Variants in CDH4 observed in about 807,000 individuals in gnomAD.
CDH4 encodes the protein cadherin 4.
A neutral mutation model predicts 86.0 loss-of-function variants in CDH4; 33 were observed. That is an observed-to-expected ratio of 0.38 (90% confidence interval 0.29 to 0.51). The LOEUF (loss-of-function observed/expected upper bound fraction) is 0.51. Ranked by LOEUF, CDH4 falls within the 20% of genes least tolerant of loss-of-function variation. The pLI, the probability that CDH4 is intolerant of heterozygous loss-of-function variation, is 0.86. For synonymous variants in CDH4, 555 were observed against 549.4 expected (o/e 1.01, Z -0.14); for missense variants, 1,114 against 1,307.4 (o/e 0.85, Z 2.28).
rs572050808 is a variant in CDH4 at position 61,640,285 on chromosome 20, C to CA, written c.170-103277dup. 3.1e-3 allele frequency among the ~76,000 whole-genome samples: 470 copies of CA among 152,364 alleles called. 2 individuals are homozygous for CA. The highest frequency in any genetic ancestry group is 0.02 in the Middle Eastern group (6 of 294). On this transcript the variant is annotated intron_variant, in intron 2 of 15. Transcript: ENST00000614565. ...CAGAGAGCACGCACAGCAGCAACGTCACGTGCCTCGGCGGCCTGGCTCACG... is the reference window on the plus strand; with the variant it reads ...CAGAGAGCACGCACAGCAGCAACGTCAACGTGCCTCGGCGGCCTGGCTCACG...
chr20:61,631,190 G>T (rs1470402412), intron 2 of CDH4, among the ~76,000 whole-genome samples: 2 of 152,202 alleles, frequency 1.3e-5, no homozygotes, highest in Admixed American at 1.3e-4. Flanking sequence ...TCCCCTGGAG[G>T]CCCCTGACTC....
intron 2 of CDH4, among the ~76,000 whole-genome samples, chr20:61,648,522 A>C (rs556449422): frequency 6.6e-6 from 1 of 152,262 alleles, no homozygotes; most frequent in South Asian, 2.1e-4. Context: ...TGTCGTCTAG[A>C]CAGTATGGGG....
At chr20:61,927,448 C>G (rs904495790) in intron 11 of CDH4, among the ~76,000 whole-genome samples, 1 of 152,218 alleles carries the variant, frequency 6.6e-6, no homozygotes, top group South Asian at 2.1e-4. Flanking sequence ...CCAAGGAGAC[C>G]TCCTGCCGGG....
At chr20:61,555,555 C>G in intron 2 of CDH4, among the ~76,000 whole-genome samples, 1 of 152,192 alleles carries the variant, frequency 6.6e-6, no homozygotes, top group East Asian at 1.9e-4. Flanking sequence ...GAGAAGCAGT[C>G]CCTTTCTGTC....
At chr20:61,565,986 C>T (rs756446517) in intron 2 of CDH4, among the ~76,000 whole-genome samples, 48 of 152,192 alleles carry the variant, frequency 3.2e-4, no homozygotes, top group Non-Finnish European at 6.0e-4. Context: ...GTCTTGTCCC[C>T]GTTGCCCATC....
At chr20:61,513,731 C>T (rs2085797023) in intron 2 of CDH4, among the ~76,000 whole-genome samples, 1 of 152,170 alleles carries the variant, frequency 6.6e-6, no homozygotes, top group African/African-American at 2.4e-5. Flanking sequence ...AAGCTGTAAC[C>T]AGCTGCAGGT....
chr20:61,809,734 G>A (rs186781858), intron 4 of CDH4, among the ~76,000 whole-genome samples: 6 of 152,320 alleles, frequency 3.9e-5, no homozygotes, highest in Admixed American at 2.6e-4. Flanking sequence ...TAACCAGGGC[G>A]GTGTTTTTCA....
intron 2 of CDH4, among the ~76,000 whole-genome samples, chr20:61,363,644 G>A (rs1461713982): frequency 6.6e-6 from 1 of 152,172 alleles, no homozygotes; most frequent in Admixed American, 6.5e-5. Flanking sequence ...TAGTGTTCCT[G>A]ACGGGGGCCA....
intron 6 of CDH4, among the ~76,000 whole-genome samples, chr20:61,866,129 G>A (rs1401871875): frequency 6.6e-6 from 1 of 152,092 alleles, no homozygotes; most frequent in Non-Finnish European, 1.5e-5. Flanking sequence ...TGGCATGGGG[G>A]ATTTTGCCCA....
At chr20:61,855,125 G>A (rs1982942423) in intron 6 of CDH4, among the ~76,000 whole-genome samples, 1 of 138,392 alleles carries the variant, frequency 7.2e-6, no homozygotes, top group African/African-American at 2.8e-5. Flanking sequence ...GGTGCAGTGT[G>A]AACAGGGTGA....
Position 61,377,653 on chromosome 20 carries a change from T to A in CDH4, c.169+122716T>A, listed in dbSNP as rs1275143076. Among the ~76,000 whole-genome samples, 1 of 152,130 alleles carries A rather than the reference T, an allele frequency of 6.6e-6. No individual in the cohort carries two copies. The highest frequency in any genetic ancestry group is 1.5e-5 in the Non-Finnish European group (1 of 68,028). On this transcript the variant is annotated intron_variant, in intron 2 of 15. Coordinates refer to ENST00000614565, the MANE Select transcript of CDH4 (RefSeq NM_001794.5). The surrounding 1 kb of genome is among the most constrained non-coding windows in gnomAD (Gnocchi z 4.0). The stretch of plus-strand genomic sequence containing the variant: ...CTTTATCTGAAGAACGTGAACCAGA[T>A]CCCCAGAAAGAACATCCCTTTCAAA...
intron 2 of CDH4, among the ~76,000 whole-genome samples, chr20:61,647,061 A>G (rs550300767): frequency 1.5e-3 from 234 of 152,348 alleles, no homozygotes; most frequent in Non-Finnish European, 2.7e-3. Flanking sequence ...AATTGAGCAC[A>G]GGATGCTTGG....
At position 61,320,096 on chromosome 20, in the gene CDH4, C is replaced by T. The variant is rs773658384; in HGVS notation, c.169+65159C>T. ...CCACAATAATTTTTGCAAAATTGCT[C>T]GTATTTTTGCAGCATCTCCCAGGTG... On this transcript the variant is annotated intron_variant, in intron 2 of 15. Coordinates refer to ENST00000614565, the MANE Select transcript of CDH4 (RefSeq NM_001794.5). 6.6e-5 allele frequency among the ~76,000 whole-genome samples: 10 copies of T among 152,202 alleles called. No individual in the cohort carries two copies. The East Asian group carries it at 1.7e-3, about 26-fold the overall frequency.
At chr20:61,844,579 A>C in intron 4 of CDH4, 89 bp from the exon 5 acceptor site, 8 of 1,244,078 alleles carry the variant, frequency 6.4e-6, no homozygotes, top group Non-Finnish European at 9.0e-6. Flanking sequence ...AGCTCGAGGA[A>C]CTCATGAGAG....
At position 61,544,991 on chromosome 20, in the gene CDH4, A is replaced by C. The variant is rs2086067366; in HGVS notation, c.170-198572A>C. Among the ~76,000 whole-genome samples the C allele has an allele frequency of 6.6e-6, 1 of 152,186 alleles. No homozygotes were observed. The highest frequency in any genetic ancestry group is 1.5e-5 in the Non-Finnish European group (1 of 68,034). On this transcript the variant is annotated intron_variant, in intron 2 of 15. Transcript: ENST00000614565. The surrounding 1 kb of genome is among the most constrained non-coding windows in gnomAD (Gnocchi z 6.5). ...TAGCAAATGACCCTTGAGCAGCCCT[A>C]CTGGGGCCCCGAGTGGACAAACCAC...
intron 2 of CDH4, among the ~76,000 whole-genome samples, chr20:61,479,349 C>G (rs2085556715): frequency 6.6e-6 from 1 of 152,048 alleles, no homozygotes; most frequent in Non-Finnish European, 1.5e-5. Context: ...TATCCCTCCC[C>G]CCTTCCCCCA....
chr20:61,277,182 GCTTCTGAATTTAAGAGTTA>G (rs2084235658), intron 2 of CDH4, among the ~76,000 whole-genome samples: 1 of 152,174 alleles, frequency 6.6e-6, no homozygotes, highest in Non-Finnish European at 1.5e-5. Context: ...ATCTTCCAGG[GCTTCTGAATTTAAGAGTTA>G]CTCCTCCACT....
intron 2 of CDH4, among the ~76,000 whole-genome samples, chr20:61,467,511 C>T (rs2085479304): frequency 6.6e-6 from 1 of 152,188 alleles, no homozygotes; most frequent in African/African-American, 2.4e-5. Flanking sequence ...AATCCCAGCA[C>T]TTTGGGAGGC....
At chr20:61,283,428 G>A (rs561811599) in intron 2 of CDH4, among the ~76,000 whole-genome samples, 2 of 139,828 alleles carry the variant, frequency 1.4e-5, no homozygotes, top group African/African-American at 2.6e-5. Context: ...GCGTTTGCAC[G>A]CGTGTGCTGT....
Sources: gnomAD v4.1 joint callset for allele counts (sites outside exome capture counted in the v4.1 genomes callset) on GRCh38, gnomAD v4.1.1 for gene constraint, Gnocchi (gnomAD v3.1) non-coding constraint, MANE v1.5 for transcripts, NCBI Gene and HGNC (gene_info 2026-07-23, HGNC 2026-07-21) for gene names.